The following LIPH variants were observed in gnomAD, a reference collection of about 807,000 sequenced individuals.
LIPH encodes lipase H.
Under a neutral mutation model 47.6 loss-of-function variants are expected in LIPH, and 32 were observed. The ratio of observed to expected loss-of-function variants is 0.67; its 90% CI spans 0.51 to 0.90. LIPH has a LOEUF of 0.90. LIPH is among the 40% of genes least tolerant of loss of function. LIPH has a pLI of 0.00. For missense variants in LIPH, 497 were observed against 541.4 expected (o/e 0.92, Z 0.81); for synonymous variants, 190 against 195.6 (o/e 0.97, Z 0.24).
intron 9 of LIPH, 28 bp downstream of exon 9, chr3:185,511,496 G>A (rs745995979): frequency 5.3e-5 from 85 of 1,611,100 alleles, no homozygotes; most frequent in Non-Finnish European, 6.6e-5. Flanking sequence ...GGAAAACAGC[G>A]TTTTGTCAAA....
chr3:185,514,447 C>T lies in LIPH; in HGVS notation c.1057G>A (p.Asp353Asn). 1.9e-6 allele frequency: 3 copies of T among 1,588,280 alleles called. No individual in the cohort carries two copies. Among genetic ancestry groups the T allele is most frequent in the Non-Finnish European group, 2.6e-6 (3 of 1,156,466 alleles). Residue 353 changes from aspartate (D) to asparagine (N), a missense_variant, in exon 8 of 10, where the codon GAC (aspartate) becomes AAC (asparagine). By Grantham distance (23) the Asp-to-Asn change is conservative. Transcript: ENST00000296252. ...GATTCTGTGGTGTTTCCAGCTTTGTCTCTCAATTTGATGGTAATGTCCCCT... is the reference window on the plus strand; with the variant it reads ...GATTCTGTGGTGTTTCCAGCTTTGTTTCTCAATTTGATGGTAATGTCCCCT... ...RRGDITIKLRDKAGNTTESKI... is the reference protein window; with the variant it reads ...RRGDITIKLRNKAGNTTESKI...
chr3:185,517,256 C>A, intron 6 of LIPH, 94 bp from the exon 7 acceptor site: 1 of 763,128 alleles, frequency 1.3e-6, no homozygotes, highest in East Asian at 2.6e-5. Flanking sequence ...TGACTGTATC[C>A]ACCACTTCTG....
intron 1 of LIPH, among the ~76,000 whole-genome samples, chr3:185,548,957 C>T (rs1313120773): frequency 6.6e-6 from 1 of 151,764 alleles, no homozygotes; most frequent in Non-Finnish European, 1.5e-5. Flanking sequence ...GATGGCGAAA[C>T]TCCGTCTCTC....
chr3:185,546,846 C>G (rs1199967620), intron 1 of LIPH: 1 of 416,816 alleles, frequency 2.4e-6, no homozygotes, highest in East Asian at 7.4e-5. Context: ...TGTGCTGTCT[C>G]AGCTACACAC....
chr3:185,515,515 CTT>C (rs1262789817), intron 7 of LIPH, among the ~76,000 whole-genome samples: 1 of 144,176 alleles, frequency 6.9e-6, no homozygotes. Context: ...GATCTGCAGG[CTT>C]TTTTTTTTTT....
chr3:185,516,487 G>A (rs181085687), intron 7 of LIPH, among the ~76,000 whole-genome samples: 1 of 152,228 alleles, frequency 6.6e-6, no homozygotes, highest in East Asian at 1.9e-4. Flanking sequence ...AGTGAAAATG[G>A]GTACAAGACT....
intron 8 of LIPH, among the ~76,000 whole-genome samples, chr3:185,513,067 G>C (rs1247817495): frequency 6.6e-6 from 1 of 152,112 alleles, no homozygotes; most frequent in Non-Finnish European, 1.5e-5. Flanking sequence ...TGGAAGCCGG[G>C]CACGGTGGCT....
chr3:185,549,663 T>G (rs1409228014), intron 1 of LIPH, among the ~76,000 whole-genome samples: 1 of 152,230 alleles, frequency 6.6e-6, no homozygotes, highest in Admixed American at 6.5e-5. Context: ...CACAATGGTA[T>G]GTGCCTGTAA....
At position 185,515,584 on chromosome 3, in the gene LIPH, C is replaced by T. The variant is rs562585291; in HGVS notation, c.983-1063G>A. Among the ~76,000 whole-genome samples, 35 of 152,080 alleles carry T rather than the reference C, an allele frequency of 2.3e-4. No homozygotes were observed. The South Asian group carries it at 5.0e-3, about 22-fold the overall frequency. Reference sequence around the variant, plus strand: ...AGTGCAGTGGCGTAATCTCGGTTCACGGCAACCTCTGTCTCCTGGGTTCAA... The same window carrying T: ...AGTGCAGTGGCGTAATCTCGGTTCATGGCAACCTCTGTCTCCTGGGTTCAA... On this transcript the variant is annotated intron_variant, in intron 7 of 9. Coordinates refer to ENST00000296252, the MANE Select transcript of LIPH (RefSeq NM_139248.3).
At position 185,552,411 on chromosome 3, in the gene LIPH, TA is replaced by T; in HGVS notation, c.49+11del. On this transcript the variant is annotated intron_variant, in intron 1 of 9. Coordinates refer to ENST00000296252, the MANE Select transcript of LIPH (RefSeq NM_139248.3). The stretch of plus-strand genomic sequence containing the variant: ...TTAAGCAGTTAAGAAAACCAGTTTG[TA>T]AATAACCTACCTGATCTTGACAAGC... 1 of 1,586,606 alleles carries T rather than the reference TA, an allele frequency of 6.3e-7. No homozygotes were observed. The highest frequency in any genetic ancestry group is 8.7e-7 in the Non-Finnish European group (1 of 1,154,966).
chr3:185,521,583 C>T (rs1719901036), intron 5 of LIPH, among the ~76,000 whole-genome samples: 1 of 152,168 alleles, frequency 6.6e-6, no homozygotes, highest in South Asian at 2.1e-4. Context: ...CGGGGCCTGG[C>T]ACTGCACAGA....
Position 185,534,682 on chromosome 3 carries a change from C to T in LIPH, c.417+83G>A, listed in dbSNP as rs187156012. ...TGTTGCAATATAGGCCTCCTGCTCACTGTAGCTATCTCTTGGCTTTAAGCC... is the reference window on the plus strand; with the variant it reads ...TGTTGCAATATAGGCCTCCTGCTCATTGTAGCTATCTCTTGGCTTTAAGCC... On this transcript the variant is annotated intron_variant, in intron 2 of 9. Transcript: ENST00000296252. 20 of 1,430,076 alleles carry T rather than the reference C, an allele frequency of 1.4e-5. 1 individual carries two copies. In the East Asian group the frequency reaches 4.5e-4, roughly 32 times the overall value. The allele number at this position is 1,430,076 out of a possible 1,614,324, so 88.6% of individuals were successfully genotyped here.
rs1270016735 is a variant in LIPH at position 185,551,123 on chromosome 3, G to A, written c.49+1300C>T. On this transcript the variant is annotated intron_variant, in intron 1 of 9. Transcript: ENST00000296252. Reference sequence around the variant, plus strand: ...AGGGAGGGGGAGGTTGTAGTGAGCCGAGATCACGCCACTGCACTCCAGCCT... The same window carrying A: ...AGGGAGGGGGAGGTTGTAGTGAGCCAAGATCACGCCACTGCACTCCAGCCT... Among the ~76,000 whole-genome samples the A allele has an allele frequency of 2.6e-5, 4 of 152,192 alleles. No individual in the cohort carries two copies. The South Asian group carries it at 6.2e-4, about 24-fold the overall frequency.
rs1491206672 is a variant in LIPH, at chr3:185,529,975, A to AG, written c.527-2391_527-2390insC. On this transcript the variant is annotated intron_variant, in intron 3 of 9. Transcript: ENST00000296252. ...GAAAGAAAGAAAGAAGGAAAGAAAG[A>AG]AAGAGAGAGAGAGAGAAAATAAGCA... Among the ~76,000 whole-genome samples the AG allele has an allele frequency of 1.2e-3, 72 of 57,736 alleles. 1 individual carries two copies. Among genetic ancestry groups the AG allele is most frequent in the Admixed American group, 2.8e-3 (16 of 5,666 alleles). The allele number at this position is 57,736 out of a possible 152,430, so 37.9% of individuals were successfully genotyped here.
chr3:185,532,999 T>C (rs1337755180), intron 3 of LIPH, among the ~76,000 whole-genome samples: 1 of 152,124 alleles, frequency 6.6e-6, no homozygotes, highest in Non-Finnish European at 1.5e-5. Flanking sequence ...GGAGAGGCTT[T>C]GAGACTCTGA....
At chr3:185,522,024 C>A (rs672736) in intron 5 of LIPH, among the ~76,000 whole-genome samples, 148,901 of 152,268 alleles carry the variant, frequency 0.98, 72,889 homozygotes, top group East Asian at 1. Context: ...GAAATAGAAC[C>A]ATCAGAAACA....
rs567746197 is a variant in LIPH at position 185,535,024 on chromosome 3, C to T, written c.158G>A (p.Cys53Tyr). The T allele has an allele frequency of 6.2e-7, 1 of 1,613,648 alleles. No individual in the cohort carries two copies. Among genetic ancestry groups the T allele is most frequent in the Non-Finnish European group, 8.5e-7 (1 of 1,179,728 alleles). The change falls in exon 2 of 10, where the codon TGC (cysteine) becomes TAC (tyrosine). Residue 53 changes from cysteine to tyrosine, a missense_variant. By Grantham distance (194) the Cys-to-Tyr change is radical (BLOSUM62 -2). Coordinates refer to ENST00000296252, the MANE Select transcript of LIPH (RefSeq NM_139248.3). Reference protein sequence around the residue: ...LMLYTRKNLTCAQTINSSAFG... With the variant: ...LMLYTRKNLTYAQTINSSAFG... ...AGCTGAGGAGTTGATGGTTTGTGCG[C>T]AGGTCAGGTTTTTCCTTGTGTAGAG...
chr3:185,529,987 A>AGAGAGG (rs113097880), intron 3 of LIPH, among the ~76,000 whole-genome samples: 3,541 of 148,908 alleles, frequency 0.024, 79 homozygotes, highest in East Asian at 0.026. Flanking sequence ...AGAGAGAGAG[A>AGAGAGG]GAGAAAATAA....
Position 185,534,798 on chromosome 3 carries a change from G to T in LIPH, c.384C>A (p.Ala128=), listed in dbSNP as rs1395319428. ...GGTCAATAAATTCCTTCAAGACCAT[G>T]GCTACTTTTCTGGTCTTACTAGAGG... is the stretch of plus-strand genomic sequence containing the variant. ...THASSKTRKV[A]MVLKEFIDQM... Residue 128 remains alanine (A), a synonymous_variant, in exon 2 of 10, where the codon GCC becomes GCA. Transcript: ENST00000296252. 6.2e-7 allele frequency: 1 copy of T among 1,613,368 alleles called. No homozygotes were observed. The highest frequency in any genetic ancestry group is 8.5e-7 in the Non-Finnish European group (1 of 1,179,416).
Sources: allele counts gnomAD v4.1 joint callset (sites outside exome capture counted in the v4.1 genomes callset), GRCh38; gene constraint gnomAD v4.1.1; transcripts MANE v1.5; gene names NCBI Gene and HGNC (gene_info 2026-07-23, HGNC 2026-07-21).